Variants in ZNF423 observed in about 807,000 individuals in gnomAD.
ZNF423 encodes the protein zinc finger protein 423.
Under a neutral mutation model 95.8 loss-of-function variants are expected in ZNF423, and 12 were observed. That is an observed-to-expected ratio of 0.13 (90% CI 0.08 to 0.20). The LOEUF (loss-of-function observed/expected upper bound fraction) is 0.20. ZNF423 is among the 10% of genes least tolerant of loss of function. The pLI is 1.00. For missense variants in ZNF423, 1,316 were observed against 1,737.1 expected (o/e 0.76, Z 4.31); for synonymous variants, 749 against 711.9 (o/e 1.05, Z -0.83).
chr16:49,548,816 C>T (rs561921787), intron 5 of ZNF423, among the ~76,000 whole-genome samples: 1 of 152,318 alleles, frequency 6.6e-6, no homozygotes, highest in East Asian at 1.9e-4. Flanking sequence ...CATCCACACC[C>T]GGACCCACAC....
At chr16:49,742,113 G>C (rs1361410746) in intron 2 of ZNF423, among the ~76,000 whole-genome samples, 1 of 152,262 alleles carries the variant, frequency 6.6e-6, no homozygotes, top group Non-Finnish European at 1.5e-5. Context: ...ACAGCTCCAT[G>C]ACCAGGACAG....
intron 1 of ZNF423, among the ~76,000 whole-genome samples, chr16:49,797,237 A>T (rs926472780): frequency 6.6e-6 from 1 of 152,170 alleles, no homozygotes; most frequent in Non-Finnish European, 1.5e-5. Flanking sequence ...GGAAAAGCAT[A>T]GACCAGGCAG....
chr16:49,680,057 G>C (rs74016915), intron 3 of ZNF423, among the ~76,000 whole-genome samples: 1 of 152,282 alleles, frequency 6.6e-6, no homozygotes, highest in African/African-American at 2.4e-5. Context: ...CTGGACACAA[G>C]TTAGTACAAC....
chr16:49,642,358 C>T (rs1287436725), intron 3 of ZNF423, among the ~76,000 whole-genome samples: 1 of 152,180 alleles, frequency 6.6e-6, no homozygotes, highest in African/African-American at 2.4e-5. Context: ...GTCATTCACC[C>T]AGTAGGCTTT....
At chr16:49,721,540 G>A (rs1487883478) in intron 3 of ZNF423, among the ~76,000 whole-genome samples, 1 of 152,098 alleles carries the variant, frequency 6.6e-6, no homozygotes, top group Non-Finnish European at 1.5e-5. Context: ...CTGCCAGGAA[G>A]GTAACAGAAA....
intron 2 of ZNF423, among the ~76,000 whole-genome samples, chr16:49,773,405 T>C (rs1254960410): frequency 6.6e-6 from 1 of 152,110 alleles, no homozygotes; most frequent in African/African-American, 2.4e-5. Context: ...CGGGGGAGAC[T>C]GCCCTCATGA....
intron 7 of ZNF423, among the ~76,000 whole-genome samples, chr16:49,507,686 C>T (rs188728686): frequency 6.6e-6 from 1 of 152,322 alleles, no homozygotes; most frequent in African/African-American, 2.4e-5. Context: ...CTTTAATGCC[C>T]AGGTCCCAAG....
At chr16:49,677,287 A>AAGGGAAGGGAAGG in intron 3 of ZNF423, among the ~76,000 whole-genome samples, 15 of 82,308 alleles carry the variant, frequency 1.8e-4, no homozygotes, top group Non-Finnish European at 3.0e-4. Context: ...AGAAGAGAAG[A>AAGGGAAGGGAAGG]GAAGAGAAGA....
At chr16:49,711,902 A>G (rs2032554761) in intron 3 of ZNF423, 2 of 147,470 alleles carry the variant, frequency 1.4e-5, no homozygotes, top group African/African-American at 5.2e-5. Context: ...TGAGCCCAGG[A>G]GTTCAAGAGC....
Position 49,637,781 on chromosome 16 carries a change from G to T in ZNF423, c.1395C>A (p.Asn465Lys). The T allele has an allele frequency of 1.2e-6, 2 of 1,614,142 alleles. No homozygotes were observed. Residue 465 changes from asparagine to lysine, a missense_variant, in exon 4 of 8, where the codon AAC becomes AAA. Around this residue, in one of 6 missense-constraint regions of ZNF423, gnomAD observed 399 missense variants for 478.5 expected, o/e 0.83. Transcript: ENST00000563137. This position sits in a 1 kb window ranked among gnomAD's most constrained non-coding sequence, Gnocchi z 5.6. ...TCTTGTGCAGCTTGCGAACGTGCTC[G>T]TTGAGGTTGTAGAGGGTGGGCATGG... Reference protein sequence around the residue: ...LDSMPTLYNLNEHVRKLHKNH... With the variant: ...LDSMPTLYNLKEHVRKLHKNH...
intron 5 of ZNF423, among the ~76,000 whole-genome samples, chr16:49,613,658 C>A (rs1038026275): frequency 2.0e-5 from 3 of 152,198 alleles, no homozygotes; most frequent in Non-Finnish European, 4.4e-5. Flanking sequence ...GAGCTATGAT[C>A]ATGCTACAAA....
intron 7 of ZNF423, among the ~76,000 whole-genome samples, chr16:49,520,130 CA>C (rs1439853578): frequency 6.6e-6 from 1 of 152,180 alleles, no homozygotes. Context: ...CCCTAGAATG[CA>C]GACCCCGTGG....
At chr16:49,665,770 A>G (rs1384395676) in intron 3 of ZNF423, among the ~76,000 whole-genome samples, 1 of 152,170 alleles carries the variant, frequency 6.6e-6, no homozygotes, top group Non-Finnish European at 1.5e-5. Context: ...TCCCAGCTGA[A>G]GTTCTAGTTA....
intron 5 of ZNF423, 98 bp downstream of exon 5, chr16:49,626,072 G>A: frequency 2.5e-6 from 3 of 1,187,446 alleles, no homozygotes; most frequent in Non-Finnish European, 3.8e-6. Flanking sequence ...CAGTGACTCT[G>A]TCCTTTGGCC....
At chr16:49,630,582 GT>G (rs1000499957) in intron 4 of ZNF423, among the ~76,000 whole-genome samples, 1 of 152,046 alleles carries the variant, frequency 6.6e-6, no homozygotes, top group Non-Finnish European at 1.5e-5. Flanking sequence ...AGATGACCAC[GT>G]CCCCCCTCCA....
intron 1 of ZNF423, among the ~76,000 whole-genome samples, chr16:49,820,183 C>T (rs538878664): frequency 6.5e-4 from 99 of 152,106 alleles, no homozygotes; most frequent in Admixed American, 1.8e-3. Flanking sequence ...GCAAGAACTC[C>T]GAAAGGGGCA....
chr16:49,752,255 C>A (rs1385222866), intron 2 of ZNF423, among the ~76,000 whole-genome samples: 1 of 152,240 alleles, frequency 6.6e-6, no homozygotes, highest in Non-Finnish European at 1.5e-5. Context: ...CAGGCAAGAA[C>A]TGCACACCGG....
chr16:49,574,866 A>C (rs1022104054), intron 5 of ZNF423, among the ~76,000 whole-genome samples: 1 of 152,214 alleles, frequency 6.6e-6, no homozygotes, highest in African/African-American at 2.4e-5. Context: ...ACATTTTAAT[A>C]GTCTCATAAC....
chr16:49,507,503 G>A (rs1967694031), intron 7 of ZNF423, among the ~76,000 whole-genome samples: 1 of 152,118 alleles, frequency 6.6e-6, no homozygotes, highest in Non-Finnish European at 1.5e-5. Flanking sequence ...CACAGGTCAG[G>A]GCTGCAGCTG....
Sources: gnomAD v4.1 joint callset for allele counts (sites outside exome capture counted in the v4.1 genomes callset) on GRCh38, gnomAD v4.1.1 for gene constraint, gnomAD v4.1.1 regional missense constraint, Gnocchi (gnomAD v3.1) non-coding constraint, MANE v1.5 for transcripts, NCBI Gene and HGNC (gene_info 2026-07-23, HGNC 2026-07-21) for gene names.